ESRRG: variants seen among roughly 807,000 people sequenced by gnomAD.
The protein encoded by ESRRG is estrogen-related receptor gamma.
In ESRRG, 13 loss-of-function variants were observed where a neutral mutation model predicts 44.0. The observed-to-expected ratio is 0.30, with a 90% CI of 0.19 to 0.47. The LOEUF is 0.47. ESRRG is among the 20% of genes least tolerant of loss of function. The pLI, the probability that ESRRG is intolerant of heterozygous loss-of-function variation, is 1.00. For missense variants in ESRRG, 395 were observed against 580.6 expected (o/e 0.68, Z 3.29); for synonymous variants, 215 against 214.6 (o/e 1.00, Z -0.02).
chr1:216,963,934 G>A (rs896010936), intron 1 of ESRRG, among the ~76,000 whole-genome samples: 1 of 152,162 alleles, frequency 6.6e-6, no homozygotes, highest in East Asian at 1.9e-4. Context: ...GCCAGCTAAG[G>A]ATTCCCTAAA....
chr1:216,631,498 G>A (rs1302535633), intron 3 of ESRRG, among the ~76,000 whole-genome samples: 2 of 152,102 alleles, frequency 1.3e-5, no homozygotes, highest in Non-Finnish European at 2.9e-5. Flanking sequence ...AATTATTCTT[G>A]TGTTATGAAG....
intron 2 of ESRRG, among the ~76,000 whole-genome samples, chr1:216,802,603 C>A (rs2094658055): frequency 6.6e-6 from 1 of 152,090 alleles, no homozygotes; most frequent in African/African-American, 2.4e-5. Context: ...GTAAACCAAG[C>A]ACAGGGCACT....
intron 2 of ESRRG, among the ~76,000 whole-genome samples, chr1:216,795,274 TAAAC>T (rs1327026127): frequency 1.3e-5 from 2 of 151,708 alleles, no homozygotes; most frequent in Non-Finnish European, 2.9e-5. Flanking sequence ...TTCATTAAAA[TAAAC>T]AAATAGATGA....
intron 5 of ESRRG, among the ~76,000 whole-genome samples, chr1:216,542,076 G>GAGAA (rs750869438): frequency 1.5e-5 from 1 of 66,260 alleles, no homozygotes; most frequent in Admixed American, 1.9e-4. Flanking sequence ...CTATGACAGA[G>GAGAA]AGAGAGAGAG....
At chr1:216,991,871 T>C (rs1001735153) in intron 1 of ESRRG, among the ~76,000 whole-genome samples, 2 of 152,232 alleles carry the variant, frequency 1.3e-5, no homozygotes, top group African/African-American at 4.8e-5. Context: ...GCGTGTTTTA[T>C]TTGTGCCACT....
chr1:216,999,619 A>C (rs754026972), intron 1 of ESRRG, among the ~76,000 whole-genome samples: 4 of 152,168 alleles, frequency 2.6e-5, no homozygotes, highest in Non-Finnish European at 5.9e-5. Context: ...ACTAAAAAAG[A>C]TCCAGTATTT....
intron 3 of ESRRG, among the ~76,000 whole-genome samples, chr1:216,603,532 A>C (rs1374607615): frequency 6.6e-6 from 1 of 152,252 alleles, no homozygotes; most frequent in Non-Finnish European, 1.5e-5. Flanking sequence ...AGATCAGTTT[A>C]AGTCGGAGAC....
At chr1:216,933,561 A>G (rs1020979271) in intron 2 of ESRRG, among the ~76,000 whole-genome samples, 10 of 152,234 alleles carry the variant, frequency 6.6e-5, no homozygotes, top group Admixed American at 5.2e-4. Flanking sequence ...GGAGATGCAG[A>G]GAAGTGCAGT....
chr1:217,119,468 A>G (rs1012676134), intron 1 of ESRRG, among the ~76,000 whole-genome samples: 1 of 152,206 alleles, frequency 6.6e-6, no homozygotes, highest in Non-Finnish European at 1.5e-5. Flanking sequence ...ACTGAATCCT[A>G]ACATCCTATA....
chr1:216,667,497 C>T (rs2074188801), intron 2 of ESRRG, among the ~76,000 whole-genome samples: 1 of 151,806 alleles, frequency 6.6e-6, no homozygotes, highest in African/African-American at 2.4e-5. Flanking sequence ...ACCAGCTTGG[C>T]AAACATGGTG....
chr1:216,939,357 A>AC (rs1560188656), intron 2 of ESRRG, among the ~76,000 whole-genome samples: 20 of 134,822 alleles, frequency 1.5e-4, no homozygotes, highest in East Asian at 6.8e-4. Context: ...AAAAAAAAAA[A>AC]AAAAAAAAAA....
intron 2 of ESRRG, among the ~76,000 whole-genome samples, chr1:216,779,268 TA>T (rs2093767696): frequency 2.5e-5 from 1 of 40,338 alleles, no homozygotes; most frequent in African/African-American, 1.6e-4. Context: ...TATAAATATA[TA>T]TTTATATTTA....
intron 2 of ESRRG, among the ~76,000 whole-genome samples, chr1:216,739,061 G>A (rs2090340963): frequency 6.6e-6 from 1 of 152,000 alleles, no homozygotes; most frequent in Non-Finnish European, 1.5e-5. Context: ...GGAGGTCAGG[G>A]GAGGCTCCCA....
intron 5 of ESRRG, 56 bp downstream of exon 5, chr1:216,564,163 T>C: frequency 1.7e-6 from 2 of 1,149,310 alleles, no homozygotes; most frequent in Non-Finnish European, 2.4e-6. Context: ...TCTATATACA[T>C]AACCTAGGGA....
At chr1:216,820,588 T>C (rs933279712) in intron 2 of ESRRG, among the ~76,000 whole-genome samples, 1 of 152,216 alleles carries the variant, frequency 6.6e-6, no homozygotes, top group African/African-American at 2.4e-5. Context: ...AGGAGTGTTC[T>C]CAAGTTCTTG....
At chr1:216,719,689 C>A (rs1051355158) in intron 1 of ESRRG, among the ~76,000 whole-genome samples, 1 of 151,482 alleles carries the variant, frequency 6.6e-6, no homozygotes, top group African/African-American at 2.4e-5. Context: ...GGGAAAAAAA[C>A]AGAACAATGA....
intron 1 of ESRRG, among the ~76,000 whole-genome samples, chr1:217,118,717 T>C (rs2092772770): frequency 6.6e-6 from 1 of 152,130 alleles, no homozygotes; most frequent in African/African-American, 2.4e-5. Flanking sequence ...TCAGGCTGGA[T>C]GTGGTAGCTC....
At chr1:217,076,930 C>CT (rs1317627127) in intron 1 of ESRRG, 1 of 152,150 alleles carries the variant, frequency 6.6e-6, no homozygotes, top group Non-Finnish European at 1.5e-5. Flanking sequence ...AGAGTGGGAC[C>CT]TGCCAAGTTT....
At position 216,541,776 on chromosome 1, in the gene ESRRG, A is replaced by G. The variant is rs182897040; in HGVS notation, c.863-22355T>C. The stretch of plus-strand genomic sequence containing the variant: ...CTACGTCTGTAATCATTTTTAGACC[A>G]ATACTGTGACTGAATTCCTTTCAGC... On this transcript the variant is annotated intron_variant, in intron 5 of 6. Coordinates refer to ENST00000408911, the MANE Select transcript of ESRRG (RefSeq NM_001438.4). Among the ~76,000 whole-genome samples the G allele has an allele frequency of 1.1e-4, 16 of 152,028 alleles. 1 individual carries two copies. The highest frequency in any genetic ancestry group is 3.9e-4 in the African/African-American group (16 of 41,498).
Sources: gnomAD v4.1 joint callset for allele counts (sites outside exome capture counted in the v4.1 genomes callset) on GRCh38, gnomAD v4.1.1 for gene constraint, MANE v1.5 for transcripts, NCBI Gene and HGNC (gene_info 2026-07-23, HGNC 2026-07-21) for gene names.